The following ZNF564 variants were observed in gnomAD, a reference collection of about 807,000 sequenced individuals.
The protein encoded by ZNF564 is zinc finger protein 564.
A neutral mutation model predicts 10.5 loss-of-function variants in ZNF564; 5 were observed. The observed-to-expected ratio is 0.48, with a 90% confidence interval of 0.25 to 1.00. ZNF564 has a LOEUF of 1.00. Ranked by LOEUF, ZNF564 falls within the 50% of genes least tolerant of loss-of-function variation. The probability of loss-of-function intolerance (pLI) is 0.16; values close to 1 mark genes in which losing one functional copy is unlikely to be tolerated. For missense variants in ZNF564, 603 were observed against 669.7 expected, an observed-to-expected ratio of 0.90 and a Z score of 1.10; for synonymous variants, 242 against 218.1, an observed-to-expected ratio of 1.11 and a Z score of -0.97.
At chr19:12,537,738 C>CAAAAAAAAA (rs56173239) in intron 1 of ZNF564, among the ~76,000 whole-genome samples, 1 of 114,550 alleles carries the variant, frequency 8.7e-6, no homozygotes, top group Non-Finnish European at 1.7e-5. Context: ...AACTCCGTCT[C>CAAAAAAAAA]AAAAAAAAAA....
intron 1 of ZNF564, among the ~76,000 whole-genome samples, chr19:12,536,392 G>C (rs1422090469): frequency 6.6e-6 from 1 of 152,126 alleles, no homozygotes; most frequent in Non-Finnish European, 1.5e-5. Context: ...GCCCAGGCTG[G>C]TCTCAAACTC....
intron 1 of ZNF564, among the ~76,000 whole-genome samples, chr19:12,544,197 G>C (rs900275364): frequency 6.6e-6 from 1 of 152,200 alleles, no homozygotes; most frequent in Non-Finnish European, 1.5e-5. Flanking sequence ...TATGGCAGTA[G>C]CAGAAAGATA....
intron 1 of ZNF564, chr19:12,532,850 C>T (rs951464738): frequency 6.6e-6 from 1 of 152,030 alleles, no homozygotes; most frequent in South Asian, 2.1e-4. Flanking sequence ...ACAAGCGTTG[C>T]AAAATACATG....
In ZNF564 at chr19:12,527,761, G is replaced by C; in HGVS notation, c.347C>G (p.Ser116Ter). 1 of 1,614,020 alleles carries C rather than the reference G, an allele frequency of 6.2e-7. No homozygotes were observed. The highest frequency in any genetic ancestry group is 8.5e-7 in the Non-Finnish European group (1 of 1,180,020). ...SLCGKVFMHHSSLSRHIRSHL... is the reference protein window; with the variant it reads ...SLCGKVFMHH ...AGATCTGATGTGCCTACTAAGGGAT[G>C]AATGATGCATGAAGACTTTCCCACA... Residue 116 changes from serine to a stop codon, truncating the protein, a stop_gained, in exon 4 of 4, where the codon TCA (serine) becomes TGA (stop). Coordinates refer to ENST00000339282, the MANE Select transcript of ZNF564 (RefSeq NM_144976.4). LOFTEE classifies it low-confidence loss of function (END_TRUNC).
intron 1 of ZNF564, among the ~76,000 whole-genome samples, chr19:12,542,224 G>A (rs1014038521): frequency 7.0e-6 from 1 of 142,392 alleles, no homozygotes; most frequent in African/African-American, 2.6e-5. Context: ...CACAAGAATT[G>A]CTTGAACCGG....
At chr19:12,527,943 G>C in intron 3 of ZNF564, 27 bp from the exon 4 acceptor site, 2 of 1,554,424 alleles carry the variant, frequency 1.3e-6, no homozygotes. Flanking sequence ...GCAAGATTTA[G>C]TGGTTTGTGA....
intron 1 of ZNF564, among the ~76,000 whole-genome samples, chr19:12,533,818 C>G (rs1371022417): frequency 7.3e-6 from 1 of 137,656 alleles, no homozygotes; most frequent in Non-Finnish European, 1.5e-5. Flanking sequence ...CCCAAGTAAG[C>G]AGACAGACAG....
intron 2 of ZNF564, 39 bp downstream of exon 2, chr19:12,528,531 T>A (rs987458664): frequency 6.2e-7 from 1 of 1,607,696 alleles, no homozygotes; most frequent in African/African-American, 1.3e-5. Flanking sequence ...AAATACTTCT[T>A]CTCTAACTGA....
chr19:12,544,591 G>A (rs1356933192), intron 1 of ZNF564, among the ~76,000 whole-genome samples: 2 of 152,140 alleles, frequency 1.3e-5, no homozygotes, highest in African/African-American at 4.8e-5. Context: ...GAGACGGCTA[G>A]ATACAAACTG....
chr19:12,537,133 AT>A (rs1237979349), intron 1 of ZNF564, among the ~76,000 whole-genome samples: 1 of 152,168 alleles, frequency 6.6e-6, no homozygotes, highest in African/African-American at 2.4e-5. Context: ...TGTAGCACGC[AT>A]CCCCACTTTG....
intron 1 of ZNF564, among the ~76,000 whole-genome samples, chr19:12,544,822 T>C (rs1247872498): frequency 6.6e-6 from 1 of 152,212 alleles, no homozygotes; most frequent in Non-Finnish European, 1.5e-5. Flanking sequence ...CCTCTTCCTG[T>C]TGGCCTACAA....
intron 1 of ZNF564, among the ~76,000 whole-genome samples, chr19:12,545,021 G>A (rs2022123132): frequency 6.6e-6 from 1 of 152,134 alleles, no homozygotes; most frequent in South Asian, 2.1e-4. Context: ...CACTTTGGGA[G>A]GCCAAGGCGG....
In ZNF564 at chr19:12,528,379, GA is replaced by G. The variant is rs35579993; in HGVS notation, c.131-16del. ...CCATTTTTTTCCTAAAATATAGTCA[GA>G]AAAAATCCTTATGAACTGATAGACA... is the stretch of plus-strand genomic sequence containing the variant. On this transcript the variant is annotated splice_polypyrimidine_tract_variant and intron_variant, in intron 2 of 3. Transcript: ENST00000339282. 1.9e-6 allele frequency: 3 copies of G among 1,599,056 alleles called. No homozygotes were observed. The highest frequency in any genetic ancestry group is 1.4e-5 in the African/African-American group (1 of 73,776).
chr19:12,551,243 G>A, intron 1 of ZNF564, 87 bp downstream of exon 1: 2 of 1,457,504 alleles, frequency 1.4e-6, no homozygotes, highest in South Asian at 1.2e-5. Flanking sequence ...GTCGCTGCAG[G>A]GAGGCCAGGG....
chr19:12,551,262 C>T (rs1370737241), intron 1 of ZNF564, 68 bp downstream of exon 1: 1 of 1,554,854 alleles, frequency 6.4e-7, no homozygotes, highest in Non-Finnish European at 8.7e-7. Context: ...GGTGCTTCCA[C>T]AGCCGGTTCC....
At chr19:12,535,039 AG>A (rs2021882206) in intron 1 of ZNF564, among the ~76,000 whole-genome samples, 1 of 152,112 alleles carries the variant, frequency 6.6e-6, no homozygotes, top group African/African-American at 2.4e-5. Context: ...ATGGATGAAA[AG>A]AAGATATCAA....
In ZNF564 at chr19:12,527,214, A is replaced by AC. The variant is rs1353569981; in HGVS notation, c.893dup (p.Ser298ArgfsTer5). The AC allele has an allele frequency of 6.2e-7, 1 of 1,613,612 alleles. No homozygotes were observed. Among genetic ancestry groups the AC allele is most frequent in the Non-Finnish European group, 8.5e-7 (1 of 1,179,928 alleles). On this transcript the variant is annotated frameshift_variant, in exon 4 of 4. Coordinates refer to ENST00000339282, the MANE Select transcript of ZNF564 (RefSeq NM_144976.4). LOFTEE classifies it low-confidence loss of function (END_TRUNC). Reference sequence around the variant, plus strand: ...CATCCCCAGTGTGCCTAATCATATGACTTTGAAAATTTGTGAAAGAAATGA... The same window carrying AC: ...CATCCCCAGTGTGCCTAATCATATGACCTTTGAAAATTTGTGAAAGAAATGA...
At chr19:12,529,096 T>C (rs1172517135) in intron 1 of ZNF564, among the ~76,000 whole-genome samples, 1 of 151,970 alleles carries the variant, frequency 6.6e-6, no homozygotes, top group Non-Finnish European at 1.5e-5. Context: ...AACAAAAAAG[T>C]CGACAAAACG....
chr19:12,536,181 T>G (rs575005960), intron 1 of ZNF564, among the ~76,000 whole-genome samples: 1 of 152,042 alleles, frequency 6.6e-6, no homozygotes. Flanking sequence ...CTGAACCATG[T>G]TTTTTCTTTT....
Sources: allele counts gnomAD v4.1 joint callset (sites outside exome capture counted in the v4.1 genomes callset), GRCh38; gene constraint gnomAD v4.1.1; transcripts MANE v1.5; gene names NCBI Gene and HGNC (gene_info 2026-07-23, HGNC 2026-07-21).